USP14: variants seen among roughly 807,000 people sequenced by gnomAD.
The protein encoded by USP14 is ubiquitin carboxyl-terminal hydrolase 14.
USP14 carries 38 observed loss-of-function variants against 76.5 expected under a neutral mutation model. The observed-to-expected ratio is 0.50, with a 90% CI of 0.38 to 0.65. The LOEUF (loss-of-function observed/expected upper bound fraction) is 0.65, where lower values mean the gene tolerates loss of function less well. USP14 is among the 30% of genes least tolerant of loss of function. The pLI, the probability that USP14 is intolerant of heterozygous loss-of-function variation, is 0.00. For synonymous variants in USP14, 192 were observed against 191.7 expected (o/e 1.00, Z -0.01); for missense variants, 467 against 586.5 (o/e 0.80, Z 2.10).
chr18:197,544 T>C, intron 7 of USP14, 72 bp from the exon 8 acceptor site: 1 of 1,219,678 alleles, frequency 8.2e-7, no homozygotes, highest in South Asian at 1.3e-5. Context: ...TAGGAGACAG[T>C]GATTATTTTG....
At position 183,437 on chromosome 18, in the gene USP14, A is replaced by C. The variant is rs545286246; in HGVS notation, c.404+3098A>C. Among the ~76,000 whole-genome samples the C allele has an allele frequency of 7.9e-5, 12 of 151,984 alleles. No individual in the cohort carries two copies. The South Asian group carries it at 2.5e-3, about 32-fold the overall frequency. ...GAGGACTCTTGTCGCAAACTCTAGG[A>C]CATTTCTTGGTCATTATTTCTTTAG... On this transcript the variant is annotated intron_variant, in intron 5 of 15. Transcript: ENST00000261601.
rs1415251930 is a variant in USP14 at position 158,665 on chromosome 18, T to G, written c.-34T>G. The stretch of plus-strand genomic sequence containing the variant: ...CTTTGCCGCCCTCGTCAGGCCCAGC[T>G]CTCCTGCGCCGCCGCCTCCCGCCGC... On this transcript the variant is annotated 5_prime_UTR_variant, in exon 1 of 16. Coordinates refer to ENST00000261601, the MANE Select transcript of USP14 (RefSeq NM_005151.4). 1 of 1,518,668 alleles carries G rather than the reference T, an allele frequency of 6.6e-7. No individual in the cohort carries two copies. The highest frequency in any genetic ancestry group is 1.4e-5 in the African/African-American group (1 of 69,052). The allele number at this position is 1,518,668 out of a possible 1,614,324, so 94.1% of individuals were successfully genotyped here. A position where few individuals can be genotyped will look rare whatever the true frequency, so the allele number is the denominator to read the frequency against.
At chr18:192,179 A>C (rs1910109062) in intron 5 of USP14, among the ~76,000 whole-genome samples, 2 of 152,222 alleles carry the variant, frequency 1.3e-5, no homozygotes, top group Non-Finnish European at 2.9e-5. Flanking sequence ...TTTTTGATCT[A>C]ATGCTTATTT....
At chr18:159,415 G>A (rs367681523) in intron 1 of USP14, among the ~76,000 whole-genome samples, 1 of 152,152 alleles carries the variant, frequency 6.6e-6, no homozygotes, top group South Asian at 2.1e-4. Flanking sequence ...GACAGTCCAG[G>A]GTACTGGCCA....
chr18:206,259 G>T (rs949663850), intron 13 of USP14, among the ~76,000 whole-genome samples: 1 of 152,208 alleles, frequency 6.6e-6, no homozygotes, highest in Non-Finnish European at 1.5e-5. Flanking sequence ...CATTGGATAG[G>T]TTTATAGTGA....
chr18:214,289 TA>T lies in USP14; in HGVS notation c.*3009del, dbSNP rs917007165. ...TTCTGGGATTTCAGGATAAATTTTG[TA>T]AAACTACTAACAAACAACACACAGG... On this transcript the variant is annotated 3_prime_UTR_variant, in exon 16 of 16. Coordinates refer to ENST00000261601, the MANE Select transcript of USP14 (RefSeq NM_005151.4). 1.0e-5 allele frequency: 2 copies of T among 196,834 alleles called. No individual in the cohort carries two copies. The highest frequency in any genetic ancestry group is 4.7e-5 in the African/African-American group (2 of 42,250). 12.2% of individuals were successfully genotyped at this position (196,834 alleles called of 1,614,324 possible).
chr18:209,284 G>C (rs903683047), intron 13 of USP14, among the ~76,000 whole-genome samples: 5 of 151,944 alleles, frequency 3.3e-5, no homozygotes, highest in African/African-American at 1.2e-4. Context: ...GCCATTTTTT[G>C]TTGTGGAATC....
At chr18:203,845 G>A (rs983816210) in intron 12 of USP14, among the ~76,000 whole-genome samples, 29 of 152,130 alleles carry the variant, frequency 1.9e-4, no homozygotes, top group African/African-American at 6.3e-4. Flanking sequence ...TGATCCGCCC[G>A]CTTTGGCCTC....
At chr18:190,794 C>A (rs1357265447) in intron 5 of USP14, among the ~76,000 whole-genome samples, 1 of 152,006 alleles carries the variant, frequency 6.6e-6, no homozygotes, top group East Asian at 1.9e-4. Flanking sequence ...GACTGTAAAA[C>A]CTCTCAGTAT....
rs748487893 is a variant in USP14, at chr18:204,669, A to C, written c.1141A>C (p.Lys381Gln). The change falls in exon 13 of 16, where the codon AAA becomes CAA. Residue 381 changes from lysine to glutamine, a missense_variant. By Grantham distance (53) the Lys-to-Gln change is moderately conservative. Coordinates refer to ENST00000261601, the MANE Select transcript of USP14 (RefSeq NM_005151.4). ...RSKFKDLEDK[K>Q]VNQQPNTSDK... ...CAAATTCAAGGATCTAGAAGATAAA[A>C]AAGTGAATCAGCAGCCAAATACAGT... The C allele has an allele frequency of 4.3e-6, 7 of 1,612,466 alleles. No individual in the cohort carries two copies. In the Admixed American group the frequency reaches 1.2e-4, roughly 27 times the overall value.
chr18:196,930 T>G (rs983587540), intron 7 of USP14, among the ~76,000 whole-genome samples, 163 bp downstream of exon 7: 4 of 152,086 alleles, frequency 2.6e-5, no homozygotes, highest in Admixed American at 6.6e-5. Context: ...AACTGATATC[T>G]GGCTTCTGCC....
In USP14 at chr18:158,656, A is replaced by G. The variant is rs1459465118; in HGVS notation, c.-43A>G. ...TCCCCGTCCCTTTGCCGCCCTCGTCAGGCCCAGCTCTCCTGCGCCGCCGCC... is the reference window on the plus strand; with the variant it reads ...TCCCCGTCCCTTTGCCGCCCTCGTCGGGCCCAGCTCTCCTGCGCCGCCGCC... On this transcript the variant is annotated 5_prime_UTR_variant, in exon 1 of 16. Coordinates refer to ENST00000261601, the MANE Select transcript of USP14 (RefSeq NM_005151.4). 1.3e-6 allele frequency: 2 copies of G among 1,518,690 alleles called. No individual in the cohort carries two copies. Among genetic ancestry groups the G allele is most frequent in the East Asian group, 2.7e-5 (1 of 37,604 alleles). The allele number at this position is 1,518,690 out of a possible 1,614,324, so 94.1% of individuals were successfully genotyped here.
At position 212,668 on chromosome 18, in the gene USP14, T is replaced by C. The variant is rs557364249; in HGVS notation, c.*1384T>C. The C allele has an allele frequency of 1.9e-4, 29 of 152,224 alleles. No homozygotes were observed. Among genetic ancestry groups the C allele is most frequent in the African/African-American group, 6.3e-4 (26 of 41,554 alleles). 9.4% of individuals were successfully genotyped at this position (152,224 alleles called of 1,614,324 possible). On this transcript the variant is annotated 3_prime_UTR_variant, in exon 16 of 16. Coordinates refer to ENST00000261601, the MANE Select transcript of USP14 (RefSeq NM_005151.4). ...CAGAATTTTAGTGATTTTAAAGTGA[T>C]AGTAGAAAATACCAAGCATATGAGG...
At chr18:173,325 A>G (rs1031909001) in intron 3 of USP14, among the ~76,000 whole-genome samples, 13 of 150,946 alleles carry the variant, frequency 8.6e-5, no homozygotes, top group Non-Finnish European at 1.5e-4. Context: ...GTTAGCCAGG[A>G]TGGTCTCTAT....
chr18:163,025 C>T (rs1909166371), intron 1 of USP14: 1 of 205,268 alleles, frequency 4.9e-6, no homozygotes, highest in Non-Finnish European at 9.7e-6. Flanking sequence ...ATCCGCCCGC[C>T]TCGACCTCCC....
chr18:174,173 C>T (rs1304773674), intron 3 of USP14, among the ~76,000 whole-genome samples: 1 of 152,040 alleles, frequency 6.6e-6, no homozygotes, highest in African/African-American at 2.4e-5. Flanking sequence ...TTCTAACTTA[C>T]AAACATGGTA....
intron 3 of USP14, among the ~76,000 whole-genome samples, chr18:177,240 G>T (rs1909651020): frequency 6.6e-6 from 1 of 151,626 alleles, no homozygotes; most frequent in Non-Finnish European, 1.5e-5. Context: ...TAAATAGTTG[G>T]CTCTTGAGAC....
At chr18:171,056 A>ATATAT (rs1568416863) in intron 3 of USP14, among the ~76,000 whole-genome samples, 11 of 139,300 alleles carry the variant, frequency 7.9e-5, no homozygotes, top group South Asian at 2.3e-4. Flanking sequence ...ATATATATAT[A>ATATAT]AACTGAAGCT....
Position 163,075 on chromosome 18 carries a change from C to T in USP14, c.17-233C>T, listed in dbSNP as rs776833468. 1.2e-5 allele frequency: 4 copies of T among 343,452 alleles called. No individual in the cohort carries two copies. In the Admixed American group the frequency reaches 1.4e-4, roughly 12 times the overall value. The allele number at this position is 343,452 out of a possible 1,614,324, so 21.3% of individuals were successfully genotyped here. A position where few individuals can be genotyped will look rare whatever the true frequency, so the allele number is the denominator to read the frequency against. ...ACAGGCGTGAGCCACCACGCCCAGC[C>T]TGCTGAAGTCTCAGTTTCTTTAACT... On this transcript the variant is annotated intron_variant, in intron 1 of 15. Coordinates refer to ENST00000261601, the MANE Select transcript of USP14 (RefSeq NM_005151.4).
Sources: gnomAD v4.1 joint callset for allele counts (sites outside exome capture counted in the v4.1 genomes callset) on GRCh38, gnomAD v4.1.1 for gene constraint, MANE v1.5 for transcripts, NCBI Gene and HGNC (gene_info 2026-07-23, HGNC 2026-07-21) for gene names.